Variants in EEFSEC observed in about 807,000 individuals in gnomAD.
The protein encoded by EEFSEC is selenocysteine-specific elongation factor.
Under a neutral mutation model 42.1 loss-of-function variants are expected in EEFSEC, and 43 were observed. The observed-to-expected ratio is 1.02, with a 90% CI of 0.80 to 1.32. EEFSEC has a LOEUF of 1.32. Among genes scored for constraint, EEFSEC ranks in the 40% most tolerant of loss-of-function variants. The probability of loss-of-function intolerance (pLI) is 0.00; values close to 1 mark genes in which losing one functional copy is unlikely to be tolerated. For missense variants in EEFSEC, 745 were observed against 803.6 expected, an observed-to-expected ratio of 0.93 and a Z score of 0.88; for synonymous variants, 354 against 339.1, an observed-to-expected ratio of 1.04 and a Z score of -0.48.
chr3:128,177,496 T>C (rs1374596683), intron 1 of EEFSEC, among the ~76,000 whole-genome samples: 3 of 151,494 alleles, frequency 2.0e-5, no homozygotes, highest in Non-Finnish European at 2.9e-5. Flanking sequence ...GTTTTTAAAC[T>C]ATCAATAAAG....
intron 4 of EEFSEC, among the ~76,000 whole-genome samples, chr3:128,339,033 C>A (rs2067221491): frequency 6.6e-6 from 1 of 152,146 alleles, no homozygotes; most frequent in Non-Finnish European, 1.5e-5. Context: ...GTGACCTGGG[C>A]CCCACCTCAC....
intron 1 of EEFSEC, among the ~76,000 whole-genome samples, chr3:128,218,551 G>A (rs966349182): frequency 6.6e-6 from 1 of 152,204 alleles, no homozygotes; most frequent in Non-Finnish European, 1.5e-5. Context: ...CTTTAGATGT[G>A]TCCATTCAGA....
chr3:128,194,073 T>A (rs911676244), intron 1 of EEFSEC, among the ~76,000 whole-genome samples: 1 of 152,208 alleles, frequency 6.6e-6, no homozygotes, highest in Non-Finnish European at 1.5e-5. Flanking sequence ...CCACAAAGGC[T>A]GCACTTACCC....
At chr3:128,321,182 G>A (rs973314168) in intron 4 of EEFSEC, among the ~76,000 whole-genome samples, 3 of 152,150 alleles carry the variant, frequency 2.0e-5, no homozygotes, top group African/African-American at 7.2e-5. Flanking sequence ...GGAGACAGGT[G>A]GGAAGCTCTG....
intron 1 of EEFSEC, among the ~76,000 whole-genome samples, chr3:128,160,305 G>A (rs2065168644): frequency 6.6e-6 from 1 of 152,246 alleles, no homozygotes; most frequent in Non-Finnish European, 1.5e-5. Flanking sequence ...GCAAGGGCAA[G>A]GCTCTGAGCC....
intron 1 of EEFSEC, among the ~76,000 whole-genome samples, chr3:128,213,145 C>T (rs1052933143): frequency 6.6e-6 from 1 of 152,188 alleles, no homozygotes; most frequent in Non-Finnish European, 1.5e-5. Context: ...AGAGCAAGGA[C>T]GCTAGGTCCG....
chr3:128,300,318 T>C (rs558143132), intron 4 of EEFSEC, among the ~76,000 whole-genome samples: 2 of 152,334 alleles, frequency 1.3e-5, no homozygotes, highest in Non-Finnish European at 2.9e-5. Context: ...AAAAAGCCAA[T>C]GCGGGCCAGG....
chr3:128,231,706 T>C (rs1358834104), intron 1 of EEFSEC, among the ~76,000 whole-genome samples: 1 of 152,052 alleles, frequency 6.6e-6, no homozygotes, highest in Non-Finnish European at 1.5e-5. Context: ...CCATGTCATG[T>C]AACAAAAGAG....
intron 4 of EEFSEC, among the ~76,000 whole-genome samples, chr3:128,340,481 T>C (rs189162589): frequency 3.2e-4 from 48 of 152,210 alleles, no homozygotes; most frequent in Non-Finnish European, 5.6e-4. Flanking sequence ...ATTTTGTTGT[T>C]GCTGTTGTTT....
intron 4 of EEFSEC, among the ~76,000 whole-genome samples, chr3:128,329,991 C>G (rs1030661355): frequency 6.6e-6 from 1 of 152,186 alleles, no homozygotes; most frequent in Non-Finnish European, 1.5e-5. Context: ...CTGGCTCAGC[C>G]CTGAAAACAG....
chr3:128,224,855 A>G (rs146575535), intron 1 of EEFSEC, among the ~76,000 whole-genome samples: 1 of 152,334 alleles, frequency 6.6e-6, no homozygotes, highest in East Asian at 1.9e-4. Flanking sequence ...GGATATAAGA[A>G]CATATACATC....
intron 6 of EEFSEC, among the ~76,000 whole-genome samples, chr3:128,398,873 A>G (rs905307117): frequency 6.6e-6 from 1 of 152,116 alleles, no homozygotes; most frequent in Non-Finnish European, 1.5e-5. Flanking sequence ...CCAGAGGGGT[A>G]GGCTGAGACT....
intron 4 of EEFSEC, among the ~76,000 whole-genome samples, chr3:128,311,094 A>C (rs2066885248): frequency 6.6e-6 from 1 of 152,246 alleles, no homozygotes; most frequent in South Asian, 2.1e-4. Flanking sequence ...CTTCTAAGAA[A>C]ATTTTTAAAA....
chr3:128,404,250 C>T (rs1324290282), intron 6 of EEFSEC, among the ~76,000 whole-genome samples: 22 of 152,256 alleles, frequency 1.4e-4, no homozygotes, highest in Admixed American at 1.4e-3. Context: ...GTCAGGCTTT[C>T]CAGGTGTGGC....
At chr3:128,154,890 G>T (rs925328438) in intron 1 of EEFSEC, among the ~76,000 whole-genome samples, 3 of 152,160 alleles carry the variant, frequency 2.0e-5, no homozygotes, top group Non-Finnish European at 2.9e-5. Context: ...ATAATAACTG[G>T]CTGGGGCAAG....
At chr3:128,161,795 T>G (rs755550266) in intron 1 of EEFSEC, among the ~76,000 whole-genome samples, 20 of 152,186 alleles carry the variant, frequency 1.3e-4, no homozygotes, top group Non-Finnish European at 2.8e-4. Context: ...CTCTCTTGAC[T>G]CGTAAATGAA....
intron 6 of EEFSEC, among the ~76,000 whole-genome samples, chr3:128,376,441 G>A (rs1163626183): frequency 2.6e-5 from 4 of 152,110 alleles, no homozygotes; most frequent in Admixed American, 1.3e-4. Flanking sequence ...CGCTTCCTGA[G>A]CCCTCTGGAC....
intron 1 of EEFSEC, among the ~76,000 whole-genome samples, chr3:128,179,550 A>G (rs1384165183): frequency 6.6e-6 from 1 of 152,208 alleles, no homozygotes; most frequent in Non-Finnish European, 1.5e-5. Flanking sequence ...TTGGGGAAAC[A>G]GATACCATTT....
intron 4 of EEFSEC, among the ~76,000 whole-genome samples, chr3:128,296,150 T>A (rs2066703850): frequency 6.6e-6 from 1 of 152,062 alleles, no homozygotes; most frequent in African/African-American, 2.4e-5. Context: ...TGGCAGAGCA[T>A]GAGATTTCAT....
Sources: gnomAD v4.1 joint callset for allele counts (sites outside exome capture counted in the v4.1 genomes callset) on GRCh38, gnomAD v4.1.1 for gene constraint, MANE v1.5 for transcripts, NCBI Gene and HGNC (gene_info 2026-07-23, HGNC 2026-07-21) for gene names.